Variants in PDE1A observed in about 807,000 individuals in gnomAD.
PDE1A encodes phosphodiesterase 1A, also known as dual specificity calcium/calmodulin-dependent 3',5'-cyclic nucleotide phosphodiesterase 1A.
PDE1A carries 35 observed loss-of-function variants against 61.7 expected under a neutral mutation model. The ratio of observed to expected loss-of-function variants is 0.57; its 90% CI spans 0.43 to 0.75. The LOEUF (loss-of-function observed/expected upper bound fraction) is 0.75, where lower values mean the gene tolerates loss of function less well. Ranked by LOEUF, PDE1A falls within the 30% of genes least tolerant of loss-of-function variation. The pLI is 0.00. For missense variants in PDE1A, 597 were observed against 630.6 expected, an observed-to-expected ratio of 0.95 and a Z score of 0.57; for synonymous variants, 232 against 213.2, an observed-to-expected ratio of 1.09 and a Z score of -0.77.
At chr2:182,585,180 A>G in the PDE1A span, among the ~76,000 whole-genome samples, 1,237 of 152,296 alleles carry the variant, frequency 8.1e-3, 9 homozygotes, top group Non-Finnish European at 0.013. Context: ...ATTTGGCAAC[A>G]ATCACCTGGA....
At chr2:182,562,768 C>T in the PDE1A span, among the ~76,000 whole-genome samples, 4 of 152,104 alleles carry the variant, frequency 2.6e-5, no homozygotes, top group African/African-American at 9.7e-5. Context: ...TCAACTTCTT[C>T]CTGGTTTAGT....
chr2:182,308,005 A>C (rs899826694), intron 1 of PDE1A, among the ~76,000 whole-genome samples: 3 of 152,182 alleles, frequency 2.0e-5, no homozygotes, highest in Non-Finnish European at 4.4e-5. Context: ...CCTCAAGAAA[A>C]CTAAATATAA....
chr2:182,581,076 C>A, the PDE1A span, among the ~76,000 whole-genome samples: 1 of 152,124 alleles, frequency 6.6e-6, no homozygotes, highest in African/African-American at 2.4e-5. Flanking sequence ...AGGCAGTCAT[C>A]ATTTTCTTCA....
the PDE1A span, among the ~76,000 whole-genome samples, chr2:182,658,394 T>G: frequency 6.6e-6 from 1 of 152,258 alleles, no homozygotes; most frequent in Non-Finnish European, 1.5e-5. Context: ...ATGGCCTTAT[T>G]AGAAGGACAC....
intron 11 of PDE1A, among the ~76,000 whole-genome samples, chr2:182,188,263 G>C (rs564413113): frequency 6.6e-6 from 1 of 152,294 alleles, no homozygotes; most frequent in South Asian, 2.1e-4. Context: ...GGATGGGAAG[G>C]GGAAAAGGTC....
At chr2:182,168,774 T>C (rs184592454) in intron 13 of PDE1A, among the ~76,000 whole-genome samples, 3 of 152,258 alleles carry the variant, frequency 2.0e-5, no homozygotes, top group East Asian at 3.9e-4. Context: ...AATAAAATCA[T>C]GTTTCCTTTT....
intron 1 of PDE1A, among the ~76,000 whole-genome samples, chr2:182,341,630 C>T (rs1698190696): frequency 6.6e-6 from 1 of 152,172 alleles, no homozygotes; most frequent in African/African-American, 2.4e-5. Flanking sequence ...TAAGCTCTTA[C>T]TTATGAAATT....
the PDE1A span, among the ~76,000 whole-genome samples, chr2:182,538,706 T>C: frequency 6.6e-6 from 1 of 152,206 alleles, no homozygotes; most frequent in African/African-American, 2.4e-5. Context: ...TTGGAAATAT[T>C]TTAGGCCTAG....
At chr2:182,704,070 G>A in the PDE1A span, among the ~76,000 whole-genome samples, 3 of 151,098 alleles carry the variant, frequency 2.0e-5, no homozygotes, top group East Asian at 5.8e-4. Flanking sequence ...AATTATCTGG[G>A]CGTGGTGGCA....
At chr2:182,652,842 C>G in the PDE1A span, among the ~76,000 whole-genome samples, 2 of 152,222 alleles carry the variant, frequency 1.3e-5, no homozygotes, top group South Asian at 4.1e-4. Context: ...CTCAGTCCCT[C>G]TTTTGCTGAT....
the PDE1A span, among the ~76,000 whole-genome samples, chr2:182,604,876 C>T: frequency 6.6e-6 from 1 of 151,898 alleles, no homozygotes; most frequent in Non-Finnish European, 1.5e-5. Flanking sequence ...TAGTATTATA[C>T]GTCAGGTACT....
intron 10 of PDE1A, among the ~76,000 whole-genome samples, chr2:182,199,304 G>C (rs1297231901): frequency 1.3e-5 from 2 of 151,674 alleles, no homozygotes; most frequent in Non-Finnish European, 2.9e-5. Context: ...TCTTTGTTCT[G>C]TTTCACTGTT....
At chr2:182,595,594 T>A in the PDE1A span, among the ~76,000 whole-genome samples, 1 of 152,258 alleles carries the variant, frequency 6.6e-6, no homozygotes, top group African/African-American at 2.4e-5. Context: ...ATTATTCTTA[T>A]AGCTTAGAAT....
the PDE1A span, among the ~76,000 whole-genome samples, chr2:182,652,313 C>T: frequency 6.6e-6 from 1 of 152,104 alleles, no homozygotes; most frequent in Admixed American, 6.6e-5. Flanking sequence ...GAAATTCTCC[C>T]TAGAGAAATT....
chr2:182,260,147 T>C (rs1692120553), intron 2 of PDE1A, among the ~76,000 whole-genome samples: 1 of 152,200 alleles, frequency 6.6e-6, no homozygotes, highest in Admixed American at 6.5e-5. Flanking sequence ...TCTGCAATCA[T>C]TAAGGCTCTG....
chr2:182,562,356 T>G, the PDE1A span, among the ~76,000 whole-genome samples: 3 of 148,478 alleles, frequency 2.0e-5, no homozygotes, highest in Non-Finnish European at 4.5e-5. Flanking sequence ...CTGGATTACA[T>G]TTATTGATTT....
At chr2:182,679,161 T>C in the PDE1A span, among the ~76,000 whole-genome samples, 1 of 149,586 alleles carries the variant, frequency 6.7e-6, no homozygotes, top group East Asian at 2.0e-4. Context: ...CATGCCACCA[T>C]GCCTGGAAAT....
the PDE1A span, among the ~76,000 whole-genome samples, chr2:182,634,317 C>A: frequency 1.3e-5 from 2 of 152,056 alleles, no homozygotes; most frequent in Non-Finnish European, 2.9e-5. Context: ...GAGTTTTGAA[C>A]TATGTCTAGT....
intron 1 of PDE1A, among the ~76,000 whole-genome samples, chr2:182,375,573 T>C (rs544601293): frequency 4.6e-4 from 70 of 152,212 alleles, no homozygotes; most frequent in Non-Finnish European, 8.7e-4. Flanking sequence ...GCTGCTTTCA[T>C]GGGCTGGCAT....
Sources: gnomAD v4.1 joint callset for allele counts (sites outside exome capture counted in the v4.1 genomes callset) on GRCh38, gnomAD v4.1.1 for gene constraint, MANE v1.5 for transcripts, NCBI Gene and HGNC (gene_info 2026-07-23, HGNC 2026-07-21) for gene names.